Variants in ACOXL observed in about 807,000 individuals in gnomAD.
ACOXL encodes acyl-CoA oxidase like, also known as acyl-coenzyme A oxidase-like protein.
Under a neutral mutation model 71.9 loss-of-function variants are expected in ACOXL, and 70 were observed. That is an observed-to-expected ratio of 0.97 (90% confidence interval 0.80 to 1.19). The LOEUF (loss-of-function observed/expected upper bound fraction) is 1.19, where lower values mean the gene tolerates loss of function less well. ACOXL is among the 50% of genes most tolerant of loss of function. The pLI, the probability that ACOXL is intolerant of heterozygous loss-of-function variation, is 0.00. For missense variants in ACOXL, 703 were observed against 736.3 expected, an observed-to-expected ratio of 0.95 and a Z score of 0.52; for synonymous variants, 253 against 281.6, an observed-to-expected ratio of 0.90 and a Z score of 1.02.
intron 9 of ACOXL, 89 bp from the exon 10 acceptor site, chr2:110,841,282 G>A (rs1169133316): frequency 5.4e-6 from 5 of 919,616 alleles, no homozygotes; most frequent in Admixed American, 2.3e-5. Flanking sequence ...TCTTTAAAAC[G>A]TAATTGGCCG....
chr2:110,909,942 T>TG (rs2059591495), intron 11 of ACOXL, among the ~76,000 whole-genome samples: 1 of 151,952 alleles, frequency 6.6e-6, no homozygotes, highest in Non-Finnish European at 1.5e-5. Context: ...TAAAAGCACT[T>TG]GCTTCCACCG....
intron 12 of ACOXL, among the ~76,000 whole-genome samples, chr2:110,941,344 T>A (rs2060860883): frequency 6.6e-6 from 1 of 152,078 alleles, no homozygotes; most frequent in African/African-American, 2.4e-5. Context: ...ACTGAAATAA[T>A]CAAAAAATGG....
At chr2:110,795,380 A>C (rs1685166490) in intron 5 of ACOXL, among the ~76,000 whole-genome samples, 1 of 152,130 alleles carries the variant, frequency 6.6e-6, no homozygotes, top group Admixed American at 6.5e-5. Flanking sequence ...CCCTATACTG[A>C]CCACTCGTAA....
intron 1 of ACOXL, among the ~76,000 whole-genome samples, chr2:110,743,613 G>A (rs1201457982): frequency 6.6e-6 from 1 of 152,142 alleles, no homozygotes; most frequent in East Asian, 1.9e-4. Flanking sequence ...GGTGGGACAC[G>A]GGATCCTCGA....
At chr2:110,813,329 T>C (rs925047092) in intron 9 of ACOXL, among the ~76,000 whole-genome samples, 1 of 152,118 alleles carries the variant, frequency 6.6e-6, no homozygotes, top group African/African-American at 2.4e-5. Context: ...TCCTCAAACC[T>C]TGGGTTGTGG....
chr2:110,808,290 A>G (rs1045212955), intron 9 of ACOXL, among the ~76,000 whole-genome samples: 2 of 152,120 alleles, frequency 1.3e-5, no homozygotes, highest in Admixed American at 6.5e-5. Context: ...TTTAGCTAAG[A>G]CAAGCTCATC....
At chr2:110,918,416 G>A (rs2059942274) in intron 11 of ACOXL, among the ~76,000 whole-genome samples, 1 of 152,124 alleles carries the variant, frequency 6.6e-6, no homozygotes, top group South Asian at 2.1e-4. Context: ...ACTCAGGATG[G>A]ATTAAAGACT....
rs181225579 is a variant in ACOXL, at chr2:111,064,615, A to G, written c.1440+15327A>G. On this transcript the variant is annotated intron_variant, in intron 16 of 17. Coordinates refer to ENST00000439055, the MANE Select transcript of ACOXL (RefSeq NM_001142807.4). ...ACAGAAAAGACTGTACGTGTTCAGT[A>G]CAGACACAACCATCCTTTCGTTTCC... Among the ~76,000 whole-genome samples the G allele has an allele frequency of 2.3e-3, 355 of 152,360 alleles. 2 individuals are homozygous for G. The highest frequency in any genetic ancestry group is 8.1e-3 in the African/African-American group (337 of 41,588).
chr2:110,739,427 TC>T (rs1481836537), intron 1 of ACOXL, among the ~76,000 whole-genome samples: 2 of 152,242 alleles, frequency 1.3e-5, no homozygotes, highest in Admixed American at 1.3e-4. Flanking sequence ...AAAACCATCC[TC>T]CTTTCTCAAG....
chr2:111,101,297 G>C (rs976350235), intron 17 of ACOXL: 4 of 152,184 alleles, frequency 2.6e-5, no homozygotes, highest in African/African-American at 9.7e-5. Context: ...ATGGTGCTGG[G>C]ATATAGCCCT....
chr2:110,948,548 C>T (rs2061200410), intron 12 of ACOXL, among the ~76,000 whole-genome samples: 1 of 151,800 alleles, frequency 6.6e-6, no homozygotes, highest in African/African-American at 2.4e-5. Context: ...GAGCTCAAGC[C>T]CTTACTCCAC....
At chr2:110,823,444 G>A (rs570309672) in intron 9 of ACOXL, among the ~76,000 whole-genome samples, 1 of 152,086 alleles carries the variant, frequency 6.6e-6, no homozygotes, top group Non-Finnish European at 1.5e-5. Flanking sequence ...GGTCTTTTGT[G>A]AACATAAGTT....
chr2:110,896,750 T>G (rs1320434570), intron 10 of ACOXL, among the ~76,000 whole-genome samples: 1 of 152,162 alleles, frequency 6.6e-6, no homozygotes, highest in Non-Finnish European at 1.5e-5. Flanking sequence ...CTAACAGAAC[T>G]GAAAGGACTA....
chr2:111,102,985 A>T (rs1439614578), intron 17 of ACOXL, among the ~76,000 whole-genome samples: 1 of 152,156 alleles, frequency 6.6e-6, no homozygotes, highest in African/African-American at 2.4e-5. Flanking sequence ...GGTACTTAGT[A>T]ACCATTAAAA....
intron 16 of ACOXL, among the ~76,000 whole-genome samples, chr2:111,065,234 G>A (rs895760865): frequency 6.6e-6 from 1 of 152,108 alleles, no homozygotes; most frequent in Non-Finnish European, 1.5e-5. Context: ...GAAATGGCAT[G>A]AGCAACTCCA....
At chr2:111,057,224 C>CACGGCTCG (rs2066585684) in intron 16 of ACOXL, among the ~76,000 whole-genome samples, 1 of 152,148 alleles carries the variant, frequency 6.6e-6, no homozygotes, top group African/African-American at 2.4e-5. Context: ...GTCGATGTGA[C>CACGGCTCG]ACGTTGTGTT....
intron 11 of ACOXL, among the ~76,000 whole-genome samples, chr2:110,926,830 A>G (rs1014460380): frequency 9.2e-5 from 14 of 152,000 alleles, no homozygotes; most frequent in Non-Finnish European, 1.6e-4. Flanking sequence ...CTCCCCATTC[A>G]GCCTGGCCCT....
At chr2:110,889,956 A>T (rs1047043882) in intron 10 of ACOXL, among the ~76,000 whole-genome samples, 1 of 152,144 alleles carries the variant, frequency 6.6e-6, no homozygotes, top group Non-Finnish European at 1.5e-5. Flanking sequence ...ATTTCTCCAC[A>T]TACTAGCCAT....
chr2:110,849,549 G>A (rs1313140704), intron 10 of ACOXL, among the ~76,000 whole-genome samples: 1 of 152,222 alleles, frequency 6.6e-6, no homozygotes, highest in African/African-American at 2.4e-5. Flanking sequence ...CCTGAGGTCG[G>A]GAGTTCGAGA....
Sources: gnomAD v4.1 joint callset for allele counts (sites outside exome capture counted in the v4.1 genomes callset) on GRCh38, gnomAD v4.1.1 for gene constraint, MANE v1.5 for transcripts, NCBI Gene and HGNC (gene_info 2026-07-23, HGNC 2026-07-21) for gene names.